The following EFHC2 variants were observed in gnomAD, a reference collection of about 807,000 sequenced individuals.
EFHC2 encodes EF-hand domain-containing family member C2.
A neutral mutation model predicts 52.7 loss-of-function variants in EFHC2; 18 were observed. That is an observed-to-expected ratio of 0.34 (90% CI 0.24 to 0.51). The LOEUF is 0.51. Ranked by LOEUF, EFHC2 falls within the 20% of genes least tolerant of loss-of-function variation. The pLI, the probability that EFHC2 is intolerant of heterozygous loss-of-function variation, is 0.97. For missense variants in EFHC2, 513 were observed against 562.5 expected (o/e 0.91, Z 0.89); for synonymous variants, 203 against 204.1 (o/e 0.99, Z 0.04).
At chrX:44,236,978 T>C (rs1450351687) in intron 8 of EFHC2, among the ~76,000 whole-genome samples, 1 of 111,468 alleles carries the variant, frequency 9.0e-6, no homozygotes, top group Admixed American at 9.5e-5. Flanking sequence ...TAAGTGTACA[T>C]GTTAAGTGTG....
intron 8 of EFHC2, among the ~76,000 whole-genome samples, 155 bp downstream of exon 8, chrX:44,241,966 G>T (rs1483870684): frequency 8.9e-6 from 1 of 112,149 alleles, no homozygotes; most frequent in Non-Finnish European, 1.9e-5. Flanking sequence ...GTTAATACGT[G>T]CATGTTAATC....
At chrX:44,337,345 T>C (rs1286552242) in intron 1 of EFHC2, among the ~76,000 whole-genome samples, 3 of 111,432 alleles carry the variant, frequency 2.7e-5, no homozygotes, top group Non-Finnish European at 5.7e-5. Context: ...ATACCATATA[T>C]CATTCCTCAA....
At chrX:44,199,983 A>G (rs2036994479) in intron 11 of EFHC2, among the ~76,000 whole-genome samples, 1 of 112,044 alleles carries the variant, frequency 8.9e-6, no homozygotes, top group Non-Finnish European at 1.9e-5. Context: ...ACTAAATGCA[A>G]TGTGGGATCC....
chrX:44,270,300 C>T (rs1223704030), intron 3 of EFHC2, among the ~76,000 whole-genome samples: 1 of 111,834 alleles, frequency 8.9e-6, no homozygotes, highest in African/African-American at 3.3e-5. Context: ...AAACCTCAAT[C>T]TCATGAGCAT....
intron 4 of EFHC2, among the ~76,000 whole-genome samples, chrX:44,259,199 A>T (rs1602182321): frequency 8.9e-6 from 1 of 112,258 alleles, no homozygotes; most frequent in Non-Finnish European, 1.9e-5. Context: ...CATATACACC[A>T]TGGGATACTA....
chrX:44,252,662 T>C (rs1371185581), intron 4 of EFHC2, among the ~76,000 whole-genome samples: 1 of 112,378 alleles, frequency 8.9e-6, no homozygotes, highest in Non-Finnish European at 1.9e-5. Context: ...AGAAGCCTCT[T>C]ATTAAACTCC....
chrX:44,223,644 TACA>T (rs942471020), intron 11 of EFHC2, among the ~76,000 whole-genome samples: 1 of 112,078 alleles, frequency 8.9e-6, no homozygotes, highest in Non-Finnish European at 1.9e-5. Flanking sequence ...GCATTCTTTC[TACA>T]ACATCACATT....
At chrX:44,260,337 C>T (rs1230391994) in intron 4 of EFHC2, among the ~76,000 whole-genome samples, 16 of 111,584 alleles carry the variant, frequency 1.4e-4, no homozygotes, top group Admixed American at 1.4e-3. Flanking sequence ...GGGTAAGAGT[C>T]AAGACATTTG....
chrX:44,255,450 C>CA (rs1305467951), intron 4 of EFHC2, among the ~76,000 whole-genome samples: 3 of 109,329 alleles, frequency 2.7e-5, no homozygotes, highest in East Asian at 2.9e-4. Flanking sequence ...AAATGGAAAG[C>CA]AAAAAAAAGC....
intron 2 of EFHC2, chrX:44,309,880 A>G (rs2037933305): frequency 3.4e-6 from 4 of 1,166,695 alleles, no homozygotes; most frequent in Non-Finnish European, 3.5e-6. Flanking sequence ...GACACAAGGC[A>G]TCGTTCAATG....
intron 8 of EFHC2, 91 bp downstream of exon 8, chrX:44,242,030 T>C: frequency 1.1e-6 from 1 of 898,723 alleles, no homozygotes; most frequent in Non-Finnish European, 1.5e-6. Context: ...TTAGATGAGC[T>C]GCGTGACATC....
Position 44,248,335 on chromosome X carries a change from T to C in EFHC2, c.1048A>G (p.Lys350Glu). ...LGVTINVWGRKVLLYDCDEFT... is the reference protein window; with the variant it reads ...LGVTINVWGREVLLYDCDEFT... ...TCATCACAGTCATAAAGGAGCACTT[T>C]TCTTCCCCACACATTGATGGTGACT... The change falls in exon 7 of 15, where the codon AAA becomes GAA. Residue 350 changes from lysine to glutamate, a missense_variant. Transcript: ENST00000420999. The C allele has an allele frequency of 1.7e-6, 2 of 1,172,043 alleles. No individual in the cohort carries two copies. The highest frequency in any genetic ancestry group is 2.3e-6 in the Non-Finnish European group (2 of 873,890).
chrX:44,167,390 C>T (rs1277336486), intron 13 of EFHC2, among the ~76,000 whole-genome samples: 7 of 111,931 alleles, frequency 6.3e-5, no homozygotes, highest in African/African-American at 2.3e-4. Context: ...TGGAAGTCAC[C>T]ACACGAAGTC....
At chrX:44,212,079 A>G (rs1351877238) in intron 11 of EFHC2, among the ~76,000 whole-genome samples, 1 of 109,326 alleles carries the variant, frequency 9.1e-6, no homozygotes, top group Non-Finnish European at 1.9e-5. Flanking sequence ...TGGAGGCTCA[A>G]TGTGGATATG....
intron 4 of EFHC2, among the ~76,000 whole-genome samples, chrX:44,256,114 C>T (rs901877859): frequency 3.6e-5 from 4 of 111,799 alleles, no homozygotes; most frequent in African/African-American, 9.8e-5. Context: ...CTCTGGGACA[C>T]AACTAAAGCA....
At chrX:44,322,035 T>G (rs1431507120) in intron 1 of EFHC2, among the ~76,000 whole-genome samples, 1 of 111,430 alleles carries the variant, frequency 9.0e-6, no homozygotes, top group Non-Finnish European at 1.9e-5. Context: ...TCTTTAACTA[T>G]TTAGGAACTT....
chrX:44,174,351 C>A (rs1361615507), intron 13 of EFHC2, among the ~76,000 whole-genome samples: 1 of 110,537 alleles, frequency 9.0e-6, no homozygotes, highest in Non-Finnish European at 1.9e-5. Flanking sequence ...GATGTGACAA[C>A]CCATTGGTTA....
intron 3 of EFHC2, among the ~76,000 whole-genome samples, chrX:44,262,627 T>C (rs1261717433): frequency 9.1e-6 from 1 of 109,998 alleles, no homozygotes; most frequent in African/African-American, 3.3e-5. Flanking sequence ...TAGCCTTCCA[T>C]AGTTTCATGG....
intron 2 of EFHC2, among the ~76,000 whole-genome samples, chrX:44,287,341 T>C (rs917235859): frequency 2.1e-4 from 24 of 112,079 alleles, no homozygotes; most frequent in African/African-American, 7.8e-4. Flanking sequence ...AACCTGCTCC[T>C]CTCTCCCTGC....
Sources: gnomAD v4.1 joint callset for allele counts (sites outside exome capture counted in the v4.1 genomes callset) on GRCh38, gnomAD v4.1.1 for gene constraint, MANE v1.5 for transcripts, NCBI Gene and HGNC (gene_info 2026-07-23, HGNC 2026-07-21) for gene names.